Variants in IBTK observed in about 807,000 individuals in gnomAD.
IBTK encodes the protein inhibitor of Bruton tyrosine kinase, also known as BTK-binding protein.
Under a neutral mutation model 154.9 loss-of-function variants are expected in IBTK, and 83 were observed. The observed-to-expected ratio is 0.54, with a 90% confidence interval of 0.45 to 0.64. The LOEUF (loss-of-function observed/expected upper bound fraction) is 0.64. Ranked by LOEUF, IBTK falls within the 30% of genes least tolerant of loss-of-function variation. The pLI is 0.00. For missense variants in IBTK, 1,332 were observed against 1,584.6 expected (o/e 0.84, Z 2.71); for synonymous variants, 515 against 536.1 (o/e 0.96, Z 0.54).
intron 1 of IBTK, among the ~76,000 whole-genome samples, chr6:82,245,546 G>T (rs148977660): frequency 1.7e-3 from 262 of 151,834 alleles, no homozygotes; most frequent in Non-Finnish European, 3.1e-3. Context: ...GACTGAGCGA[G>T]ACTCCTTCTA....
intron 17 of IBTK, among the ~76,000 whole-genome samples, chr6:82,204,498 A>C (rs1769323826): frequency 6.6e-6 from 1 of 152,178 alleles, no homozygotes; most frequent in African/African-American, 2.4e-5. Context: ...AAATAGTAGA[A>C]AATGGGTAGC....
intron 9 of IBTK, among the ~76,000 whole-genome samples, chr6:82,219,764 T>G (rs1370049586): frequency 6.6e-6 from 1 of 152,044 alleles, no homozygotes; most frequent in Non-Finnish European, 1.5e-5. Flanking sequence ...AAATTCCTTA[T>G]ACACTAGTGA....
chr6:82,175,830 GAC>G (rs1431704202), intron 26 of IBTK, among the ~76,000 whole-genome samples: 6 of 151,972 alleles, frequency 3.9e-5, no homozygotes, highest in African/African-American at 1.4e-4. Context: ...AGGAGTTCGA[GAC>G]CACCCTGACC....
chr6:82,184,413 T>C (rs1389374593), intron 25 of IBTK, among the ~76,000 whole-genome samples: 1 of 152,204 alleles, frequency 6.6e-6, no homozygotes, highest in African/African-American at 2.4e-5. Context: ...TGAAAGAATT[T>C]ACATTCAAAC....
In IBTK at chr6:82,194,619, A is replaced by G. The variant is rs771343874; in HGVS notation, c.3198T>C (p.Asn1066=). 1 of 1,590,878 alleles carries G rather than the reference A, an allele frequency of 6.3e-7. No homozygotes were observed. Among genetic ancestry groups the G allele is most frequent in the Non-Finnish European group, 8.5e-7 (1 of 1,170,088 alleles). The change falls in exon 23 of 29, where the codon AAT becomes AAC. Residue 1066 remains asparagine (N), a synonymous_variant. Transcript: ENST00000306270. ...KIEAKVKPYV[N]GTSPVYSRED... is the part of the protein sequence containing the mutation. The stretch of plus-strand genomic sequence containing the variant: ...CCCTAGAATACACAGGAGATGTACC[A>G]TTAACATACGGTTTGACTTTCGCCT...
chr6:82,231,202 A>G (rs1478725022), intron 4 of IBTK, among the ~76,000 whole-genome samples: 1 of 152,178 alleles, frequency 6.6e-6, no homozygotes, highest in Non-Finnish European at 1.5e-5. Context: ...AAGATTAAAC[A>G]TATTCTCTTC....
chr6:82,180,749 C>T (rs1036994414), intron 26 of IBTK, among the ~76,000 whole-genome samples: 2 of 152,134 alleles, frequency 1.3e-5, no homozygotes, highest in African/African-American at 4.8e-5. Context: ...AACATTTAAT[C>T]TAAATCAGGA....
At chr6:82,242,369 CAA>C (rs58265425) in intron 1 of IBTK, among the ~76,000 whole-genome samples, 24 of 134,864 alleles carry the variant, frequency 1.8e-4, no homozygotes, top group Admixed American at 3.0e-4. Context: ...AACTCTGTAT[CAA>C]AAAAAAAAAA....
rs552460076 is a variant in IBTK at position 82,185,782 on chromosome 6, T to C, written c.3576-3754A>G. On this transcript the variant is annotated intron_variant, in intron 25 of 28. Coordinates refer to ENST00000306270, the MANE Select transcript of IBTK (RefSeq NM_015525.4). The stretch of plus-strand genomic sequence containing the variant: ...TATCCAGAGTTCAGGTTAAAATACT[T>C]TGCAGCCTTCTAAGAATTCAAGAAA... Among the ~76,000 whole-genome samples the C allele has an allele frequency of 7.9e-5, 12 of 152,208 alleles. No homozygotes were observed. In the South Asian group the frequency reaches 2.5e-3, roughly 32 times the overall value.
chr6:82,203,006 C>A (rs1431617354), intron 17 of IBTK, among the ~76,000 whole-genome samples: 1 of 152,020 alleles, frequency 6.6e-6, no homozygotes. Flanking sequence ...ACTTTCCTTT[C>A]CATTTACATA....
At position 82,217,941 on chromosome 6, in the gene IBTK, G is replaced by A. The variant is rs779274229; in HGVS notation, c.1426+19C>T. The A allele has an allele frequency of 1.3e-6, 2 of 1,516,950 alleles. No individual in the cohort carries two copies. The highest frequency in any genetic ancestry group is 8.9e-7 in the Non-Finnish European group (1 of 1,123,740). 94.0% of individuals were successfully genotyped at this position (1,516,950 alleles called of 1,614,324 possible). On this transcript the variant is annotated intron_variant, in intron 10 of 28. Transcript: ENST00000306270. Reference sequence around the variant, plus strand: ...TAATTGAAAGGTACTTTTACGTATTGTTCAATATATGAACTGACCTTTCTT... The same window carrying A: ...TAATTGAAAGGTACTTTTACGTATTATTCAATATATGAACTGACCTTTCTT...
chr6:82,245,316 T>C (rs547302805), intron 1 of IBTK, among the ~76,000 whole-genome samples: 24 of 152,062 alleles, frequency 1.6e-4, no homozygotes, highest in Non-Finnish European at 3.1e-4. Context: ...CCCAACACTT[T>C]GTTAGGCTGA....
At chr6:82,231,875 T>G (rs200603409) in intron 3 of IBTK, 33 bp from the exon 4 acceptor site, 1 of 1,339,726 alleles carries the variant, frequency 7.5e-7, no homozygotes, top group African/African-American at 1.5e-5. Context: ...TACTTTTTTA[T>G]ATTTTAAAAC....
intron 11 of IBTK, among the ~76,000 whole-genome samples, chr6:82,215,780 CAAAAAAA>C (rs59634766): frequency 3.7e-5 from 3 of 82,130 alleles, no homozygotes; most frequent in African/African-American, 5.0e-5. Flanking sequence ...GACTCCATCT[CAAAAAAA>C]AAAAAAAAAA....
intron 27 of IBTK, chr6:82,173,017 TTTGAGACAGAGTCTCAC>T (rs745825152): frequency 0.22 from 36,689 of 164,088 alleles, 4,550 homozygotes; most frequent in Non-Finnish European, 0.28. Flanking sequence ...TTTTTTTTTT[TTTGAGACAGAGTCTCAC>T]TGTGTCGCCC....
intron 8 of IBTK, 149 bp downstream of exon 8, chr6:82,223,291 A>T: frequency 1.8e-6 from 1 of 549,040 alleles, no homozygotes; most frequent in East Asian, 3.3e-5. Flanking sequence ...AAAAGACAAA[A>T]ATCAAAGACA....
chr6:82,215,063 A>G (rs1582228095), intron 11 of IBTK, among the ~76,000 whole-genome samples: 1 of 152,238 alleles, frequency 6.6e-6, no homozygotes, highest in Non-Finnish European at 1.5e-5. Flanking sequence ...AATTAAAATG[A>G]TAAGAACTAA....
chr6:82,217,541 C>T (rs1192863686), intron 10 of IBTK, among the ~76,000 whole-genome samples: 1 of 152,046 alleles, frequency 6.6e-6, no homozygotes, highest in Non-Finnish European at 1.5e-5. Context: ...TAAATGTTTA[C>T]AGACTTGAAT....
Position 82,225,471 on chromosome 6 carries a change from G to T in IBTK, c.825+6C>A. On this transcript the variant is annotated splice_donor_region_variant and intron_variant, in intron 6 of 28. Transcript: ENST00000306270. ...AAACCTTATTATTTAAAAGAGTAAA[G>T]CTTACCTGTCTGGGTACATTACAAC... 14 of 1,607,366 alleles carry T rather than the reference G, an allele frequency of 8.7e-6. No individual in the cohort carries two copies. Among genetic ancestry groups the T allele is most frequent in the Non-Finnish European group, 1.2e-5 (14 of 1,177,018 alleles).
Sources: gnomAD v4.1 joint callset for allele counts (sites outside exome capture counted in the v4.1 genomes callset) on GRCh38, gnomAD v4.1.1 for gene constraint, MANE v1.5 for transcripts, NCBI Gene and HGNC (gene_info 2026-07-23, HGNC 2026-07-21) for gene names.